Variants in SGCZ observed in about 807,000 individuals in gnomAD.
SGCZ encodes the protein sarcoglycan zeta, also known as zeta-sarcoglycan.
SGCZ carries 40 observed loss-of-function variants against 41.3 expected under a neutral mutation model. That is an observed-to-expected ratio of 0.97 (90% CI 0.75 to 1.26). SGCZ has a LOEUF of 1.26. Among genes scored for constraint, SGCZ ranks in the 50% most tolerant of loss-of-function variants. SGCZ has a pLI of 0.00. For missense variants in SGCZ, 552 were observed against 369.8 expected (o/e 1.49, Z -4.04); for synonymous variants, 206 against 137.5 (o/e 1.50, Z -3.49).
rs960030802 is a variant in SGCZ at position 14,543,230 on chromosome 8, G to T, written c.234+11502C>A. ...GTTTCTTGCTCCTAATACTGTACTA[G>T]TGTGATTATATACTTTGACTTCTTT... On this transcript the variant is annotated intron_variant, in intron 2 of 7. Transcript: ENST00000382080. Among the ~76,000 whole-genome samples, 7 of 151,948 alleles carry T rather than the reference G, an allele frequency of 4.6e-5. No homozygotes were observed. In the South Asian group the frequency reaches 1.4e-3, roughly 31 times the overall value.
At chr8:15,049,878 C>T (rs1319976977) in intron 1 of SGCZ, among the ~76,000 whole-genome samples, 1 of 152,118 alleles carries the variant, frequency 6.6e-6, no homozygotes. Context: ...TGCCTGCCAC[C>T]ATATAAGAGG....
chr8:14,418,158 A>G (rs558900889), intron 2 of SGCZ, among the ~76,000 whole-genome samples: 1 of 151,996 alleles, frequency 6.6e-6, no homozygotes, highest in South Asian at 2.1e-4. Flanking sequence ...TCTGGGAGAA[A>G]TTTTACATAT....
chr8:14,825,550 GAAC>G (rs2130582307), intron 1 of SGCZ, among the ~76,000 whole-genome samples: 1 of 152,112 alleles, frequency 6.6e-6, no homozygotes, highest in South Asian at 2.1e-4. Flanking sequence ...GTATGTACTT[GAAC>G]AACATGATGA....
At chr8:14,794,437 A>G (rs774750811) in intron 1 of SGCZ, among the ~76,000 whole-genome samples, 9 of 152,168 alleles carry the variant, frequency 5.9e-5, no homozygotes, top group Non-Finnish European at 1.3e-4. Context: ...CTTAAAGCTC[A>G]ATAGAATTCG....
At chr8:14,921,491 T>G (rs1799586681) in intron 1 of SGCZ, among the ~76,000 whole-genome samples, 1 of 151,978 alleles carries the variant, frequency 6.6e-6, no homozygotes, top group South Asian at 2.1e-4. Context: ...TAATAAATAT[T>G]CAATAAATGT....
At chr8:14,390,862 A>T (rs1013063662) in intron 2 of SGCZ, among the ~76,000 whole-genome samples, 18 of 152,098 alleles carry the variant, frequency 1.2e-4, no homozygotes, top group Non-Finnish European at 2.1e-4. Flanking sequence ...TAAATATTTT[A>T]AAAGTATTTT....
chr8:14,838,324 C>G (rs1802774856), intron 1 of SGCZ, among the ~76,000 whole-genome samples: 1 of 152,180 alleles, frequency 6.6e-6, no homozygotes, highest in South Asian at 2.1e-4. Context: ...ACAACCCTCT[C>G]TGGCTATTGA....
At chr8:14,374,582 T>C (rs1422780805) in intron 2 of SGCZ, among the ~76,000 whole-genome samples, 2 of 127,570 alleles carry the variant, frequency 1.6e-5, no homozygotes, top group African/African-American at 3.3e-5. Flanking sequence ...TTGAGAAGAA[T>C]GTATTACACA....
At chr8:14,562,818 A>G (rs1209874733) in intron 1 of SGCZ, among the ~76,000 whole-genome samples, 1 of 152,160 alleles carries the variant, frequency 6.6e-6, no homozygotes, top group East Asian at 1.9e-4. Context: ...AAAACTGAAA[A>G]CAAATGAGGA....
chr8:15,010,136 AG>A (rs1388972131), intron 1 of SGCZ, among the ~76,000 whole-genome samples: 1 of 152,200 alleles, frequency 6.6e-6, no homozygotes. Flanking sequence ...CATAATGGTG[AG>A]AAAAAACTTA....
chr8:14,403,191 T>G (rs1012797155), intron 2 of SGCZ, among the ~76,000 whole-genome samples: 1 of 150,196 alleles, frequency 6.7e-6, no homozygotes, highest in African/African-American at 2.5e-5. Context: ...GATTTTGGGC[T>G]GAGACGATGG....
chr8:14,259,170 T>A (rs969400435), intron 3 of SGCZ, among the ~76,000 whole-genome samples: 2 of 152,292 alleles, frequency 1.3e-5, no homozygotes, highest in East Asian at 3.9e-4. Flanking sequence ...TGTTATGAAG[T>A]TTTCCATTTA....
chr8:14,617,304 T>A (rs1206918919), intron 1 of SGCZ, among the ~76,000 whole-genome samples: 4 of 152,214 alleles, frequency 2.6e-5, no homozygotes, highest in Non-Finnish European at 4.4e-5. Context: ...CATGTGTGAT[T>A]TGATAATATG....
At chr8:14,686,375 G>A (rs1315828934) in intron 1 of SGCZ, among the ~76,000 whole-genome samples, 1 of 152,116 alleles carries the variant, frequency 6.6e-6, no homozygotes, top group Admixed American at 6.6e-5. Flanking sequence ...TTCCAAGGGA[G>A]AAACAGGAGT....
intron 1 of SGCZ, among the ~76,000 whole-genome samples, chr8:14,727,571 C>T (rs1348566744): frequency 6.6e-6 from 1 of 150,792 alleles, no homozygotes; most frequent in African/African-American, 2.4e-5. Flanking sequence ...AGTGCAGTGG[C>T]CAGATCTGAG....
chr8:14,292,521 G>C (rs1007633248), intron 3 of SGCZ, among the ~76,000 whole-genome samples: 1 of 152,082 alleles, frequency 6.6e-6, no homozygotes, highest in East Asian at 1.9e-4. Flanking sequence ...TGAGGCACAA[G>C]ATAGGGAATG....
chr8:15,066,263 G>A (rs1805139719), intron 1 of SGCZ, among the ~76,000 whole-genome samples: 1 of 148,094 alleles, frequency 6.8e-6, no homozygotes. Flanking sequence ...AGCCGAGATT[G>A]CGCCACTGCA....
At chr8:15,120,425 A>G (rs1232798349) in intron 1 of SGCZ, among the ~76,000 whole-genome samples, 1 of 152,156 alleles carries the variant, frequency 6.6e-6, no homozygotes, top group Non-Finnish European at 1.5e-5. Flanking sequence ...TTTCGTCACT[A>G]TTTCAACTAG....
chr8:14,346,172 T>A (rs1802885752), intron 2 of SGCZ, among the ~76,000 whole-genome samples: 1 of 152,042 alleles, frequency 6.6e-6, no homozygotes, highest in Non-Finnish European at 1.5e-5. Flanking sequence ...ATACAATACG[T>A]TACTAATAGG....
Sources: allele counts gnomAD v4.1 joint callset (sites outside exome capture counted in the v4.1 genomes callset), GRCh38; gene constraint gnomAD v4.1.1; transcripts MANE v1.5; gene names NCBI Gene and HGNC (gene_info 2026-07-23, HGNC 2026-07-21).